ZFPM2: variants seen among roughly 807,000 people sequenced by gnomAD.
ZFPM2 encodes the protein zinc finger protein ZFPM2.
ZFPM2 carries 20 observed loss-of-function variants against 98.6 expected under a neutral mutation model. The observed-to-expected ratio is 0.20, with a 90% CI of 0.14 to 0.29. The LOEUF is 0.29. ZFPM2 is among the 10% of genes least tolerant of loss of function. The probability of loss-of-function intolerance (pLI) is 1.00; values close to 1 mark genes in which losing one functional copy is unlikely to be tolerated. For missense variants in ZFPM2, 1,310 were observed against 1,388.6 expected, an observed-to-expected ratio of 0.94 and a Z score of 0.90; for synonymous variants, 518 against 502.7, an observed-to-expected ratio of 1.03 and a Z score of -0.41.
At chr8:105,730,542 GA>G (rs1358712068) in intron 5 of ZFPM2, among the ~76,000 whole-genome samples, 1 of 151,674 alleles carries the variant, frequency 6.6e-6, no homozygotes, top group Non-Finnish European at 1.5e-5. Context: ...GATTGCTGCT[GA>G]GAATAAAGTC....
intron 3 of ZFPM2, among the ~76,000 whole-genome samples, chr8:105,507,000 A>AC (rs1161630588): frequency 6.6e-6 from 1 of 151,984 alleles, no homozygotes; most frequent in Non-Finnish European, 1.5e-5. Flanking sequence ...AAAAAAAAAA[A>AC]AAAACAAAAG....
chr8:105,375,093 T>A (rs1780148906), intron 1 of ZFPM2, among the ~76,000 whole-genome samples: 1 of 152,196 alleles, frequency 6.6e-6, no homozygotes, highest in Non-Finnish European at 1.5e-5. Context: ...TTGTGACTAT[T>A]ATTTGATATT....
rs374689296 is a variant in ZFPM2 at position 105,705,895 on chromosome 8, GT to G, written c.532+71541del. Reference sequence around the variant, plus strand: ...GATGGGGCAGAGAGACTGCAGGACTGTTTGACTAATAGATATCCTTCCTTCA... The same window carrying G: ...GATGGGGCAGAGAGACTGCAGGACTGTTGACTAATAGATATCCTTCCTTCA... On this transcript the variant is annotated intron_variant, in intron 5 of 7. Transcript: ENST00000407775. Among the ~76,000 whole-genome samples the G allele has an allele frequency of 2.2e-3, 340 of 152,252 alleles. 3 individuals carry two copies. Among genetic ancestry groups the G allele is most frequent in the African/African-American group, 7.8e-3 (322 of 41,536 alleles).
At chr8:105,478,541 C>T (rs1654419583) in intron 3 of ZFPM2, among the ~76,000 whole-genome samples, 1 of 152,046 alleles carries the variant, frequency 6.6e-6, no homozygotes, top group African/African-American at 2.4e-5. Context: ...GGAAATTATC[C>T]GGGTGGGCTG....
chr8:105,393,785 C>G (rs1050116971), intron 1 of ZFPM2, among the ~76,000 whole-genome samples: 5 of 151,366 alleles, frequency 3.3e-5, no homozygotes, highest in African/African-American at 4.9e-5. Flanking sequence ...GTGGATGTTA[C>G]AATAATTAAA....
intron 4 of ZFPM2, among the ~76,000 whole-genome samples, chr8:105,625,970 G>GAAAAA (rs200898545): frequency 8.5e-5 from 12 of 141,128 alleles, no homozygotes; most frequent in African/African-American, 3.0e-4. Flanking sequence ...TCTATTTTCT[G>GAAAAA]GAAAAAAAAA....
At chr8:105,490,138 T>G (rs1158694207) in intron 3 of ZFPM2, among the ~76,000 whole-genome samples, 2 of 151,930 alleles carry the variant, frequency 1.3e-5, no homozygotes, top group Admixed American at 1.3e-4. Flanking sequence ...TCCCAGCTAC[T>G]CAGGAGGCTG....
intron 1 of ZFPM2, among the ~76,000 whole-genome samples, chr8:105,346,903 C>T (rs1812548112): frequency 6.6e-6 from 1 of 152,152 alleles, no homozygotes; most frequent in Non-Finnish European, 1.5e-5. Context: ...CATTAGCACT[C>T]AGTAAATGCT....
chr8:105,620,516 T>C (rs994167248), intron 4 of ZFPM2, among the ~76,000 whole-genome samples: 1 of 152,228 alleles, frequency 6.6e-6, no homozygotes, highest in African/African-American at 2.4e-5. Context: ...TCTTTTGTTG[T>C]GCAGAAGCTC....
chr8:105,735,656 G>GAGCT (rs1812050941), intron 5 of ZFPM2, among the ~76,000 whole-genome samples: 1 of 151,906 alleles, frequency 6.6e-6, no homozygotes, highest in South Asian at 2.1e-4. Context: ...GCCTGATCAA[G>GAGCT]AGCTACATTT....
chr8:105,649,190 G>A (rs1817117350), intron 5 of ZFPM2, among the ~76,000 whole-genome samples: 1 of 152,088 alleles, frequency 6.6e-6, no homozygotes, highest in Non-Finnish European at 1.5e-5. Context: ...GTCTGCTATT[G>A]GTGTATAGGA....
At chr8:105,380,675 ATT>A (rs1563630887) in intron 1 of ZFPM2, among the ~76,000 whole-genome samples, 1 of 19,712 alleles carries the variant, frequency 5.1e-5, no homozygotes, top group Non-Finnish European at 8.3e-5. Context: ...TAACATATAT[ATT>A]ATATATATAT....
intron 5 of ZFPM2, among the ~76,000 whole-genome samples, chr8:105,673,574 G>C (rs1482618592): frequency 2.6e-5 from 4 of 151,972 alleles, no homozygotes; most frequent in Non-Finnish European, 5.9e-5. Context: ...CCTTCCTTTG[G>C]TGAACACTGC....
At chr8:105,603,777 C>G (rs1816142062) in intron 4 of ZFPM2, among the ~76,000 whole-genome samples, 1 of 151,978 alleles carries the variant, frequency 6.6e-6, no homozygotes, top group African/African-American at 2.4e-5. Context: ...GGTGGGGGTT[C>G]TTATCCTGCA....
At chr8:105,611,583 A>G (rs1816307951) in intron 4 of ZFPM2, among the ~76,000 whole-genome samples, 1 of 152,150 alleles carries the variant, frequency 6.6e-6, no homozygotes, top group African/African-American at 2.4e-5. Flanking sequence ...AATCAGGGAG[A>G]CAGGAACAGA....
intron 1 of ZFPM2, among the ~76,000 whole-genome samples, chr8:105,324,336 T>G (rs2130651302): frequency 6.6e-6 from 1 of 152,024 alleles, no homozygotes; most frequent in South Asian, 2.1e-4. Context: ...GTAATGTCCA[T>G]TAAGTTAACT....
Position 105,715,507 on chromosome 8 carries a change from C to T in ZFPM2, c.533-73211C>T, listed in dbSNP as rs149690873. 3.2e-3 allele frequency among the ~76,000 whole-genome samples: 486 copies of T among 150,808 alleles called. 3 individuals carry two copies. Among genetic ancestry groups the T allele is most frequent in the African/African-American group, 0.011 (447 of 41,142 alleles). On this transcript the variant is annotated intron_variant, in intron 5 of 7. Transcript: ENST00000407775. ...ACTATATGGATTTTAATATTGTATA[C>T]TTTATTATTATGTATAAATTATGTG... is the stretch of plus-strand genomic sequence containing the variant.
At chr8:105,441,106 G>A (rs1812227749) in intron 2 of ZFPM2, among the ~76,000 whole-genome samples, 1 of 152,040 alleles carries the variant, frequency 6.6e-6, no homozygotes, top group East Asian at 1.9e-4. Context: ...AGTGAGCCGA[G>A]ATCGCACCAC....
At chr8:105,372,675 A>G (rs1480179302) in intron 1 of ZFPM2, among the ~76,000 whole-genome samples, 1 of 152,164 alleles carries the variant, frequency 6.6e-6, no homozygotes, top group Non-Finnish European at 1.5e-5. Flanking sequence ...ATACTTAGTA[A>G]GAAGAGAAAA....
Sources: gnomAD v4.1 joint callset for allele counts (sites outside exome capture counted in the v4.1 genomes callset) on GRCh38, gnomAD v4.1.1 for gene constraint, MANE v1.5 for transcripts, NCBI Gene and HGNC (gene_info 2026-07-23, HGNC 2026-07-21) for gene names.